The following CARMIL1 variants were observed in gnomAD, a reference collection of about 807,000 sequenced individuals.
CARMIL1 encodes capping protein regulator and myosin 1 linker 1.
A neutral mutation model predicts 177.1 loss-of-function variants in CARMIL1; 90 were observed. That is an observed-to-expected ratio of 0.51 (90% CI 0.43 to 0.61). CARMIL1 has a LOEUF of 0.61. Among genes scored for constraint, CARMIL1 ranks in the 20% least tolerant of loss-of-function variants. The pLI is 0.00. For synonymous variants in CARMIL1, 577 were observed against 606.2 expected (o/e 0.95, Z 0.71); for missense variants, 1,380 against 1,667.0 (o/e 0.83, Z 3.00).
intron 23 of CARMIL1, among the ~76,000 whole-genome samples, chr6:25,525,699 T>C (rs1432744416): frequency 2.6e-5 from 4 of 152,210 alleles, no homozygotes; most frequent in African/African-American, 9.6e-5. Flanking sequence ...TATTCTGTTA[T>C]AAGTTACCTA....
chr6:25,499,712 A>G (rs1173680788), intron 16 of CARMIL1, among the ~76,000 whole-genome samples: 2 of 152,204 alleles, frequency 1.3e-5, no homozygotes, highest in Non-Finnish European at 2.9e-5. Context: ...CTGTTATACT[A>G]CAGAGCCTGA....
At position 25,459,274 on chromosome 6, in the gene CARMIL1, T is replaced by TTCTTTCTTTC. The variant is rs1302680954; in HGVS notation, c.615-6598_615-6597insCTTTCTTTCT. 3.2e-4 allele frequency among the ~76,000 whole-genome samples: 10 copies of TTCTTTCTTTC among 30,928 alleles called. No homozygotes were observed. The East Asian group carries it at 4.4e-3, about 14-fold the overall frequency. The allele number at this position is 30,928 out of a possible 152,430, so 20.3% of individuals were successfully genotyped here. A position where few individuals can be genotyped will look rare whatever the true frequency, so the allele number is the denominator to read the frequency against. ...TCTTTCTTTCTTTCTTTCTTTTTTT[T>TTCTTTCTTTC]TTTTTTAAGACAGGGTCTTGCTGTA... On this transcript the variant is annotated intron_variant, in intron 8 of 36. Coordinates refer to ENST00000329474, the MANE Select transcript of CARMIL1 (RefSeq NM_017640.6).
At chr6:25,452,510 G>A (rs1799077900) in intron 8 of CARMIL1, 1 of 296,698 alleles carries the variant, frequency 3.4e-6, no homozygotes, top group Non-Finnish European at 6.2e-6. Context: ...CAAAACATTG[G>A]TATTTACAAT....
intron 2 of CARMIL1, among the ~76,000 whole-genome samples, chr6:25,395,179 G>C (rs144397291): frequency 2.0e-5 from 3 of 152,272 alleles, no homozygotes; most frequent in South Asian, 4.1e-4. Flanking sequence ...ATTTCTGTGC[G>C]TTGCTGTCCC....
chr6:25,618,550 A>C (rs1369784283), intron 36 of CARMIL1, among the ~76,000 whole-genome samples: 1 of 152,258 alleles, frequency 6.6e-6, no homozygotes, highest in South Asian at 2.1e-4. Flanking sequence ...CAGTGAAGCC[A>C]TGTTCTAGTT....
At chr6:25,530,651 A>T (rs1807667503) in intron 24 of CARMIL1, among the ~76,000 whole-genome samples, 1 of 152,232 alleles carries the variant, frequency 6.6e-6, no homozygotes, top group Non-Finnish European at 1.5e-5. Context: ...ACGTTTTCAG[A>T]CATGAACTCA....
intron 5 of CARMIL1, among the ~76,000 whole-genome samples, chr6:25,448,000 A>G (rs1798407743): frequency 6.6e-6 from 1 of 151,952 alleles, no homozygotes; most frequent in East Asian, 1.9e-4. Context: ...CTCCATATAC[A>G]TTTTGGCTGC....
chr6:25,529,786 G>C (rs764380111), intron 24 of CARMIL1, among the ~76,000 whole-genome samples: 1 of 94,390 alleles, frequency 1.1e-5, no homozygotes, highest in Admixed American at 1.1e-4. Context: ...AAAAAAAAAA[G>C]AATAGGCTGC....
intron 26 of CARMIL1, among the ~76,000 whole-genome samples, chr6:25,543,137 T>C (rs1210686102): frequency 2.0e-5 from 3 of 152,158 alleles, no homozygotes; most frequent in Non-Finnish European, 4.4e-5. Context: ...GCTAAGCAAG[T>C]TGCTTAACTT....
At chr6:25,305,115 G>T (rs1783159307) in intron 2 of CARMIL1, among the ~76,000 whole-genome samples, 1 of 152,158 alleles carries the variant, frequency 6.6e-6, no homozygotes, top group Non-Finnish European at 1.5e-5. Context: ...TGTCCTGGTG[G>T]CAGAAGACAT....
chr6:25,472,877 G>A (rs1011071576), intron 11 of CARMIL1, among the ~76,000 whole-genome samples: 3 of 152,150 alleles, frequency 2.0e-5, no homozygotes, highest in Admixed American at 2.0e-4. Flanking sequence ...GGTTAGCTGG[G>A]TTCTGTGCTC....
chr6:25,417,280 C>G (rs1334532948), intron 2 of CARMIL1, among the ~76,000 whole-genome samples: 1 of 152,126 alleles, frequency 6.6e-6, no homozygotes, highest in African/African-American at 2.4e-5. Context: ...TGCCTTTTAT[C>G]TCCCTTTCCA....
intron 2 of CARMIL1, among the ~76,000 whole-genome samples, chr6:25,409,946 A>G (rs74675730): frequency 0.012 from 1,833 of 152,282 alleles, 27 homozygotes; most frequent in African/African-American, 0.04. Flanking sequence ...TGTAAATTAT[A>G]TACCTACCTT....
rs551285241 is a variant in CARMIL1 at position 25,355,272 on chromosome 6, G to C, written c.139-64842G>C. On this transcript the variant is annotated intron_variant, in intron 2 of 36. Transcript: ENST00000329474. The stretch of plus-strand genomic sequence containing the variant: ...GCCCTTAATCTTTCCTCTATGTCTT[G>C]GGCTAGACACCAGGAATACTACTTT... Among the ~76,000 whole-genome samples the C allele has an allele frequency of 5.9e-5, 9 of 152,136 alleles. No individual in the cohort carries two copies. The South Asian group carries it at 1.9e-3, about 32-fold the overall frequency.
chr6:25,390,318 A>AT (rs1271192027), intron 2 of CARMIL1, among the ~76,000 whole-genome samples: 121 of 43,680 alleles, frequency 2.8e-3, no homozygotes, highest in Non-Finnish European at 2.6e-3. Flanking sequence ...ATATATATAT[A>AT]TATTTTTTTT....
rs1013856490 is a variant in CARMIL1 at position 25,520,263 on chromosome 6, A to G, written c.1894A>G (p.Met632Val). Reference sequence around the variant, plus strand: ...TTCTAGGAACTACACATTAAGATTTATGCCAATTCCTATGTATGATGCTTC... The same window carrying G: ...TTCTAGGAACTACACATTAAGATTTGTGCCAATTCCTATGTATGATGCTTC... ...AMEKNYTLRF[M>V]PIPMYDASQA... The change falls in exon 23 of 37, where the codon ATG (methionine) becomes GTG (valine). Residue 632 changes from methionine to valine, a missense_variant. Met to Val is a conservative substitution (Grantham distance 21). Coordinates refer to ENST00000329474, the MANE Select transcript of CARMIL1 (RefSeq NM_017640.6). 2.6e-6 allele frequency: 4 copies of G among 1,546,806 alleles called. No homozygotes were observed. Among genetic ancestry groups the G allele is most frequent in the Admixed American group, 3.9e-5 (2 of 51,806 alleles).
chr6:25,337,619 A>G (rs1330452581), intron 2 of CARMIL1, among the ~76,000 whole-genome samples: 1 of 152,260 alleles, frequency 6.6e-6, no homozygotes, highest in Non-Finnish European at 1.5e-5. Flanking sequence ...GGTGCTATAG[A>G]GAAAACACAA....
At position 25,387,420 on chromosome 6, in the gene CARMIL1, A is replaced by G. The variant is rs574083038; in HGVS notation, c.139-32694A>G. 6.6e-5 allele frequency among the ~76,000 whole-genome samples: 10 copies of G among 152,354 alleles called. No homozygotes were observed. The East Asian group carries it at 1.7e-3, about 26-fold the overall frequency. ...TGAATAGCTGAATCTGTTGAACACT[A>G]TGCTCACAGTTTCTAGTTCAAGACA... On this transcript the variant is annotated intron_variant, in intron 2 of 36. Transcript: ENST00000329474.
At chr6:25,572,895 C>A (rs923145347) in intron 29 of CARMIL1, among the ~76,000 whole-genome samples, 3 of 152,022 alleles carry the variant, frequency 2.0e-5, no homozygotes, top group Non-Finnish European at 4.4e-5. Flanking sequence ...TGCCTAAATG[C>A]CCTTTTTGGT....
Sources: gnomAD v4.1 joint callset for allele counts (sites outside exome capture counted in the v4.1 genomes callset) on GRCh38, gnomAD v4.1.1 for gene constraint, MANE v1.5 for transcripts, NCBI Gene and HGNC (gene_info 2026-07-23, HGNC 2026-07-21) for gene names.